The following LRRC4C variants were observed in gnomAD, a reference collection of about 807,000 sequenced individuals.
LRRC4C encodes the protein leucine-rich repeat-containing protein 4C.
Under a neutral mutation model 33.6 loss-of-function variants are expected in LRRC4C, and 5 were observed. That is an observed-to-expected ratio of 0.15 (90% CI 0.08 to 0.31). The LOEUF is 0.31. Among genes scored for constraint, LRRC4C ranks in the 10% least tolerant of loss-of-function variants. The pLI, the probability that LRRC4C is intolerant of heterozygous loss-of-function variation, is 1.00. For missense variants in LRRC4C, 560 were observed against 796.7 expected (o/e 0.70, Z 3.58); for synonymous variants, 329 against 302.0 (o/e 1.09, Z -0.93).
chr11:41,361,544 T>G (rs2137674111), intron 1 of LRRC4C, among the ~76,000 whole-genome samples: 1 of 152,352 alleles, frequency 6.6e-6, no homozygotes, highest in South Asian at 2.1e-4. Flanking sequence ...TTCTAGTCAC[T>G]AATTTTCTGT....
intron 1 of LRRC4C, among the ~76,000 whole-genome samples, chr11:41,252,545 G>A (rs546077216): frequency 6.6e-6 from 1 of 152,056 alleles, no homozygotes; most frequent in African/African-American, 2.4e-5. Flanking sequence ...AAGTCTTCTC[G>A]GGCAAGAATC....
chr11:40,527,851 C>G (rs1956118394), intron 3 of LRRC4C, among the ~76,000 whole-genome samples: 2 of 152,024 alleles, frequency 1.3e-5, no homozygotes, highest in Admixed American at 6.5e-5. Context: ...CGGGTTCAAG[C>G]AATTCTCCTG....
intron 1 of LRRC4C, among the ~76,000 whole-genome samples, chr11:41,063,657 T>C (rs1036572360): frequency 6.6e-6 from 1 of 151,962 alleles, no homozygotes; most frequent in Admixed American, 6.6e-5. Context: ...GGAAAATGGA[T>C]AGGGAGGCTG....
chr11:40,741,556 C>T (rs1948158122), intron 2 of LRRC4C, among the ~76,000 whole-genome samples: 1 of 152,040 alleles, frequency 6.6e-6, no homozygotes, highest in Non-Finnish European at 1.5e-5. Flanking sequence ...ACACATGCCT[C>T]CCTAACTTTT....
At chr11:40,893,095 A>G (rs2136123708) in intron 2 of LRRC4C, among the ~76,000 whole-genome samples, 1 of 152,140 alleles carries the variant, frequency 6.6e-6, no homozygotes, top group South Asian at 2.1e-4. Context: ...GGACTGAAGG[A>G]CATTATGTTA....
In LRRC4C at chr11:40,125,813, G is replaced by T. The variant is rs113960484; in HGVS notation, c.-42-9479C>A. Among the ~76,000 whole-genome samples, 628 of 152,104 alleles carry T rather than the reference G, an allele frequency of 4.1e-3. 5 individuals carry two copies. The highest frequency in any genetic ancestry group is 0.014 in the African/African-American group (582 of 41,474). On this transcript the variant is annotated intron_variant, in intron 6 of 6. Transcript: ENST00000528697. The stretch of plus-strand genomic sequence containing the variant: ...TACACAGGAGAAAAAACAAAGCAAC[G>T]AATTAAATAACACCATTACCAAAGG...
Position 40,721,438 on chromosome 11 carries a change from G to GT in LRRC4C, c.-406-73161dup, listed in dbSNP as rs1947008586. On this transcript the variant is annotated intron_variant, in intron 2 of 6. Transcript: ENST00000528697. Reference sequence around the variant, plus strand: ...GAACTGTGAGAAGTAAATGTTTGTTGTTTAAGCCACCCAGTCTAAGGTAAT... The same window carrying GT: ...GAACTGTGAGAAGTAAATGTTTGTTGTTTTAAGCCACCCAGTCTAAGGTAAT... 4.6e-5 allele frequency among the ~76,000 whole-genome samples: 7 copies of GT among 152,290 alleles called. No individual in the cohort carries two copies. The South Asian group carries it at 1.4e-3, about 32-fold the overall frequency.
intron 1 of LRRC4C, among the ~76,000 whole-genome samples, chr11:41,415,114 A>G (rs1488298228): frequency 1.3e-5 from 2 of 152,210 alleles, no homozygotes; most frequent in East Asian, 3.8e-4. Flanking sequence ...AAAGATGCTC[A>G]TAAGTAAACA....
intron 2 of LRRC4C, among the ~76,000 whole-genome samples, chr11:40,837,475 T>C (rs1279855085): frequency 5.9e-5 from 9 of 152,020 alleles, no homozygotes; most frequent in African/African-American, 2.2e-4. Context: ...GAAAAAATAT[T>C]TTAATCTATT....
intron 3 of LRRC4C, among the ~76,000 whole-genome samples, chr11:40,512,137 A>C (rs1955348207): frequency 1.3e-5 from 2 of 152,296 alleles, no homozygotes; most frequent in African/African-American, 4.8e-5. Flanking sequence ...CTAATCTATA[A>C]ATTCTACATT....
chr11:40,145,542 TTA>T (rs1857666929), intron 5 of LRRC4C, among the ~76,000 whole-genome samples: 1 of 152,116 alleles, frequency 6.6e-6, no homozygotes, highest in Non-Finnish European at 1.5e-5. Flanking sequence ...AGTTACAGAG[TTA>T]TAAAGGGACC....
At chr11:41,409,450 C>A (rs574950841) in intron 1 of LRRC4C, among the ~76,000 whole-genome samples, 15 of 152,044 alleles carry the variant, frequency 9.9e-5, no homozygotes, top group African/African-American at 3.6e-4. Context: ...GAATTTTGCT[C>A]GCATTATTTT....
intron 3 of LRRC4C, among the ~76,000 whole-genome samples, chr11:40,614,812 G>A (rs918428173): frequency 2.6e-5 from 4 of 151,594 alleles, no homozygotes; most frequent in Non-Finnish European, 4.4e-5. Context: ...AGACAGATGG[G>A]AGAATGGATC....
intron 1 of LRRC4C, among the ~76,000 whole-genome samples, chr11:41,017,872 G>T (rs1192446283): frequency 1.3e-5 from 2 of 151,546 alleles, no homozygotes; most frequent in Non-Finnish European, 2.9e-5. Context: ...ACTTGCACAA[G>T]ATCACTTATT....
intron 1 of LRRC4C, among the ~76,000 whole-genome samples, chr11:41,020,096 T>C (rs1341656198): frequency 6.6e-6 from 1 of 152,158 alleles, no homozygotes; most frequent in Non-Finnish European, 1.5e-5. Flanking sequence ...CCCAAACCCC[T>C]ACTTTTAACT....
chr11:40,163,115 T>C (rs1023775953), intron 5 of LRRC4C, among the ~76,000 whole-genome samples: 2 of 152,228 alleles, frequency 1.3e-5, no homozygotes, highest in African/African-American at 4.8e-5. Flanking sequence ...TTCCTCATAG[T>C]GGTCCCCTTA....
chr11:40,941,518 G>A (rs979432060), intron 1 of LRRC4C, among the ~76,000 whole-genome samples: 2 of 152,106 alleles, frequency 1.3e-5, no homozygotes, highest in Admixed American at 6.6e-5. Flanking sequence ...CATAAGCATG[G>A]AAACTCACTT....
intron 1 of LRRC4C, among the ~76,000 whole-genome samples, chr11:41,050,377 T>G (rs1437037703): frequency 2.0e-5 from 3 of 152,150 alleles, no homozygotes. Flanking sequence ...GCTGCACCCA[T>G]CCACCTGGCA....
At chr11:40,185,452 C>T (rs965826729) in intron 5 of LRRC4C, among the ~76,000 whole-genome samples, 4 of 152,048 alleles carry the variant, frequency 2.6e-5, no homozygotes, top group African/African-American at 9.7e-5. Context: ...TGACGCTGCA[C>T]CATTTGGCCC....
Sources: gnomAD v4.1 joint callset for allele counts (sites outside exome capture counted in the v4.1 genomes callset) on GRCh38, gnomAD v4.1.1 for gene constraint, MANE v1.5 for transcripts, NCBI Gene and HGNC (gene_info 2026-07-23, HGNC 2026-07-21) for gene names.